RPS6KA5: variants seen among roughly 807,000 people sequenced by gnomAD.
The protein encoded by RPS6KA5 is ribosomal protein S6 kinase alpha-5.
A neutral mutation model predicts 85.5 loss-of-function variants in RPS6KA5; 27 were observed. The observed-to-expected ratio is 0.32, with a 90% CI of 0.23 to 0.44. The LOEUF is 0.44. Ranked by LOEUF, RPS6KA5 falls within the 20% of genes least tolerant of loss-of-function variation. The pLI is 1.00. For missense variants in RPS6KA5, 811 were observed against 980.9 expected, an observed-to-expected ratio of 0.83 and a Z score of 2.31; for synonymous variants, 334 against 348.2, an observed-to-expected ratio of 0.96 and a Z score of 0.46.
chr14:90,934,404 T>C (rs2037152899), intron 5 of RPS6KA5, among the ~76,000 whole-genome samples: 1 of 152,224 alleles, frequency 6.6e-6, no homozygotes, highest in Non-Finnish European at 1.5e-5. Flanking sequence ...TTCTTATTAT[T>C]CTAGGATATC....
chr14:90,983,145 C>CGG (rs2039873362), intron 2 of RPS6KA5, among the ~76,000 whole-genome samples: 1 of 149,726 alleles, frequency 6.7e-6, no homozygotes, highest in African/African-American at 2.5e-5. Context: ...GGCGTGGTGG[C>CGG]GGGTGCCTGG....
intron 2 of RPS6KA5, among the ~76,000 whole-genome samples, chr14:90,997,954 T>C (rs2040600414): frequency 7.1e-6 from 1 of 140,116 alleles, no homozygotes. Flanking sequence ...TGGAGGTTGC[T>C]GTGAGATTGC....
intron 2 of RPS6KA5, among the ~76,000 whole-genome samples, chr14:90,979,293 A>G (rs2039695681): frequency 6.6e-6 from 1 of 152,246 alleles, no homozygotes; most frequent in Non-Finnish European, 1.5e-5. Context: ...GGCAGGAAGA[A>G]GTGGAAGGAA....
rs773601590 is a variant in RPS6KA5 at position 90,978,224 on chromosome 14, T to A, written c.394+82A>T. ...TATTTCACTTCTTCTAAGTCCATAG[T>A]ATCTTGCCCTTTAAGTACATTATAA... On this transcript the variant is annotated intron_variant, in intron 3 of 16. Coordinates refer to ENST00000614987, the MANE Select transcript of RPS6KA5 (RefSeq NM_004755.4). The A allele has an allele frequency of 4.8e-4, 464 of 975,174 alleles. 2 individuals are homozygous for A. Among genetic ancestry groups the A allele is most frequent in the Non-Finnish European group, 6.8e-4 (450 of 659,974 alleles). The allele number at this position is 975,174 out of a possible 1,614,324, so 60.4% of individuals were successfully genotyped here. A position where few individuals can be genotyped will look rare whatever the true frequency, so the allele number is the denominator to read the frequency against.
chr14:91,031,738 T>C (rs904197926), intron 1 of RPS6KA5, among the ~76,000 whole-genome samples: 1 of 151,872 alleles, frequency 6.6e-6, no homozygotes, highest in South Asian at 2.1e-4. Context: ...AAAAAAAACA[T>C]AAAACACTTG....
chr14:91,030,611 GAAAA>G (rs58737573), intron 1 of RPS6KA5, among the ~76,000 whole-genome samples: 46 of 22,056 alleles, frequency 2.1e-3, no homozygotes, highest in Admixed American at 3.4e-3. Flanking sequence ...AAAATAAACA[GAAAA>G]AAAAAAAAAA....
At chr14:90,903,084 A>G (rs532123234) in intron 8 of RPS6KA5, 115 bp from the exon 9 acceptor site, 8 of 841,066 alleles carry the variant, frequency 9.5e-6, no homozygotes, top group Non-Finnish European at 1.5e-5. Context: ...AAAATAAGAG[A>G]ACATATTTCA....
intron 7 of RPS6KA5, among the ~76,000 whole-genome samples, chr14:90,908,126 T>C (rs552572089): frequency 1.1e-4 from 16 of 152,312 alleles, no homozygotes; most frequent in African/African-American, 3.8e-4. Context: ...GAACAGTCAG[T>C]CCTGCGAAGG....
intron 2 of RPS6KA5, among the ~76,000 whole-genome samples, chr14:90,996,827 C>A: frequency 6.6e-6 from 1 of 152,130 alleles, no homozygotes. Flanking sequence ...TTATAGAGAT[C>A]CCTTATTATA....
chr14:90,958,254 T>C (rs2038625955), intron 3 of RPS6KA5, among the ~76,000 whole-genome samples: 2 of 152,222 alleles, frequency 1.3e-5, no homozygotes, highest in South Asian at 4.1e-4. Context: ...CAAAAAAGTC[T>C]GCTTGGATTT....
intron 3 of RPS6KA5, among the ~76,000 whole-genome samples, chr14:90,963,820 T>C (rs2038926999): frequency 6.6e-6 from 1 of 152,168 alleles, no homozygotes. Context: ...TTGAGCCAAG[T>C]TACTACTTAA....
intron 1 of RPS6KA5, among the ~76,000 whole-genome samples, chr14:91,040,326 T>G (rs533450508): frequency 1.2e-4 from 19 of 152,312 alleles, no homozygotes; most frequent in African/African-American, 4.3e-4. Flanking sequence ...GAGAATCGCT[T>G]GAACCCGAGA....
intron 8 of RPS6KA5, among the ~76,000 whole-genome samples, chr14:90,904,462 C>T (rs1438747227): frequency 6.6e-6 from 1 of 152,194 alleles, no homozygotes; most frequent in Non-Finnish European, 1.5e-5. Context: ...ATAACCTTTT[C>T]ACCCAAACAC....
At chr14:90,910,355 C>T (rs922615233) in intron 7 of RPS6KA5, among the ~76,000 whole-genome samples, 1 of 151,834 alleles carries the variant, frequency 6.6e-6, no homozygotes, top group Non-Finnish European at 1.5e-5. Context: ...CACAAGTGTA[C>T]AGAATAAAGG....
At chr14:90,994,561 A>ATTTTTTTT (rs935828871) in intron 2 of RPS6KA5, among the ~76,000 whole-genome samples, 28 of 61,944 alleles carry the variant, frequency 4.5e-4, no homozygotes, top group Non-Finnish European at 6.5e-4. Flanking sequence ...GATGTTTGTG[A>ATTTTTTTT]TTTTTTTTTT....
chr14:91,044,273 GAA>G (rs377455804), intron 1 of RPS6KA5, among the ~76,000 whole-genome samples: 3,508 of 18,324 alleles, frequency 0.19, 131 homozygotes, highest in Middle Eastern at 0.24. Flanking sequence ...GAGAGAGAGA[GAA>G]AGAAAGAGAG....
chr14:90,960,217 C>T (rs748562981), intron 3 of RPS6KA5, among the ~76,000 whole-genome samples: 3 of 152,142 alleles, frequency 2.0e-5, no homozygotes, highest in Admixed American at 6.5e-5. Context: ...AACTGCATCT[C>T]TGATGTCTTT....
chr14:91,046,486 CTG>C (rs1724138884), intron 1 of RPS6KA5, among the ~76,000 whole-genome samples: 2 of 152,298 alleles, frequency 1.3e-5, no homozygotes, highest in Non-Finnish European at 2.9e-5. Flanking sequence ...CGCTAAGACT[CTG>C]TTCATGCTGT....
At chr14:90,898,535 C>G (rs765791346) in intron 12 of RPS6KA5, among the ~76,000 whole-genome samples, 2 of 152,242 alleles carry the variant, frequency 1.3e-5, no homozygotes, top group African/African-American at 4.8e-5. Context: ...CATTGACATG[C>G]TATGTGACCT....
Sources: gnomAD v4.1 joint callset for allele counts (sites outside exome capture counted in the v4.1 genomes callset) on GRCh38, gnomAD v4.1.1 for gene constraint, MANE v1.5 for transcripts, NCBI Gene and HGNC (gene_info 2026-07-23, HGNC 2026-07-21) for gene names.